Variants in DENND5B observed in about 807,000 individuals in gnomAD.
DENND5B encodes DENN domain containing 5B.
In DENND5B, 34 loss-of-function variants were observed where a neutral mutation model predicts 140.6. The ratio of observed to expected loss-of-function variants is 0.24; its 90% confidence interval spans 0.18 to 0.32. The LOEUF is 0.32. DENND5B is among the 10% of genes least tolerant of loss of function. DENND5B has a pLI of 1.00. For synonymous variants in DENND5B, 551 were observed against 562.1 expected (o/e 0.98, Z 0.28); for missense variants, 1,142 against 1,560.2 (o/e 0.73, Z 4.52).
At chr12:31,566,595 C>T (rs1301656340) in intron 1 of DENND5B, among the ~76,000 whole-genome samples, 1 of 151,846 alleles carries the variant, frequency 6.6e-6, no homozygotes, top group Non-Finnish European at 1.5e-5. Flanking sequence ...ATAGCAGGAC[C>T]AGGTATCTAC....
intron 1 of DENND5B, among the ~76,000 whole-genome samples, chr12:31,579,769 G>A (rs1342989653): frequency 7.0e-6 from 1 of 142,600 alleles, no homozygotes; most frequent in Non-Finnish European, 1.5e-5. Flanking sequence ...GAGGAAGGGA[G>A]GAAGGAAGGA....
At chr12:31,540,481 T>G (rs74932639) in intron 1 of DENND5B, among the ~76,000 whole-genome samples, 22,149 of 151,892 alleles carry the variant, frequency 0.15, 1,868 homozygotes, top group Non-Finnish European at 0.19. Flanking sequence ...TGGTAAGACA[T>G]CGTCTCTACT....
intron 17 of DENND5B, among the ~76,000 whole-genome samples, chr12:31,397,694 G>A (rs867106118): frequency 6.6e-6 from 1 of 152,102 alleles, no homozygotes; most frequent in Non-Finnish European, 1.5e-5. Context: ...GGGAGGCTGA[G>A]GCAGGCAGAT....
chr12:31,507,300 A>G (rs1003411338), intron 1 of DENND5B, among the ~76,000 whole-genome samples: 4 of 152,028 alleles, frequency 2.6e-5, no homozygotes, highest in Non-Finnish European at 4.4e-5. Context: ...CCATGCCCAG[A>G]TGAGTTTTTA....
At chr12:31,535,557 G>A (rs1053181937) in intron 1 of DENND5B, among the ~76,000 whole-genome samples, 1 of 152,170 alleles carries the variant, frequency 6.6e-6, no homozygotes, top group Non-Finnish European at 1.5e-5. Context: ...TACCAAGGTG[G>A]TAACTCTACA....
At chr12:31,453,949 C>T (rs1419160840) in intron 4 of DENND5B, among the ~76,000 whole-genome samples, 1 of 151,974 alleles carries the variant, frequency 6.6e-6, no homozygotes, top group Admixed American at 6.6e-5. Context: ...CAAGACCAGT[C>T]TGGCCAACAT....
chr12:31,430,314 C>A (rs772091620), intron 8 of DENND5B, among the ~76,000 whole-genome samples: 4 of 150,908 alleles, frequency 2.7e-5, no homozygotes, highest in Non-Finnish European at 5.9e-5. Context: ...TAAGCCACTG[C>A]GCCTGGCCCC....
At chr12:31,485,144 G>A (rs934866135) in intron 2 of DENND5B, among the ~76,000 whole-genome samples, 2 of 152,166 alleles carry the variant, frequency 1.3e-5, no homozygotes, top group Non-Finnish European at 2.9e-5. Flanking sequence ...AAACTGCAAA[G>A]CCTGCAGCGG....
chr12:31,577,515 C>A (rs1353493880), intron 1 of DENND5B, among the ~76,000 whole-genome samples: 1 of 151,478 alleles, frequency 6.6e-6, no homozygotes, highest in Non-Finnish European at 1.5e-5. Context: ...TCGAGACCTT[C>A]CTGGCTAACA....
chr12:31,453,201 G>A (rs1009684547), intron 4 of DENND5B, among the ~76,000 whole-genome samples: 5 of 152,170 alleles, frequency 3.3e-5, no homozygotes, highest in Admixed American at 3.3e-4. Context: ...GGCAGAGAGA[G>A]GTGGTAGAGG....
Position 31,479,980 on chromosome 12 carries a change from C to T in DENND5B, c.513G>A (p.Leu171=). 1.2e-6 allele frequency: 2 copies of T among 1,613,946 alleles called. No homozygotes were observed. The highest frequency in any genetic ancestry group is 1.7e-6 in the Non-Finnish European group (2 of 1,179,880). The change falls in exon 3 of 21, where the codon TTG becomes TTA. Residue 171 remains leucine, a synonymous_variant. Transcript: ENST00000389082. ...SLDEGDTTSL[L]KLQRYNSYDI... is the part of the protein sequence containing the mutation. ...CATAGGAGTTGTATCGCTGGAGTTT[C>T]AAAAGGGAAGTTGTATCTCCTTCAT... is the stretch of plus-strand genomic sequence containing the variant.
intron 20 of DENND5B, 111 bp downstream of exon 20, chr12:31,389,213 G>C (rs1250818622): frequency 4.8e-6 from 5 of 1,047,780 alleles, no homozygotes; most frequent in South Asian, 2.3e-5. Flanking sequence ...AAAAGTAAAA[G>C]GAAAGAAACC....
At position 31,386,524 on chromosome 12, in the gene DENND5B, A is replaced by C. The variant is rs1156405946; in HGVS notation, c.*1079T>G. 6.6e-6 allele frequency: 1 copy of C among 152,206 alleles called. No individual in the cohort carries two copies. Among genetic ancestry groups the C allele is most frequent in the Admixed American group, 6.5e-5 (1 of 15,278 alleles). The allele number at this position is 152,206 out of a possible 1,614,324, so 9.4% of individuals were successfully genotyped here. A position where few individuals can be genotyped will look rare whatever the true frequency, so the allele number is the denominator to read the frequency against. On this transcript the variant is annotated 3_prime_UTR_variant, in exon 21 of 21. Coordinates refer to ENST00000389082, the MANE Select transcript of DENND5B (RefSeq NM_144973.4). ...GCCCTGAAACACCCAGAAAGGGTTC[A>C]TTCTCTCTCTCCTTCTGTTATTTGC...
At chr12:31,429,908 T>A (rs958752327) in intron 8 of DENND5B, among the ~76,000 whole-genome samples, 4 of 152,124 alleles carry the variant, frequency 2.6e-5, no homozygotes, top group African/African-American at 9.7e-5. Flanking sequence ...GGTTTCACCA[T>A]GTTGGCCAGG....
chr12:31,495,789 G>A (rs4931506), intron 2 of DENND5B, 21 bp downstream of exon 2: 833,865 of 1,557,268 alleles, frequency 0.54, 228,114 homozygotes, highest in East Asian at 0.85. Context: ...AAGAGTAAAT[G>A]AGGGGAAAAA....
intron 1 of DENND5B, among the ~76,000 whole-genome samples, chr12:31,504,131 C>T (rs902095953): frequency 2.6e-5 from 4 of 152,096 alleles, no homozygotes; most frequent in African/African-American, 7.2e-5. Context: ...TGCGCTATAA[C>T]GTAAATCACC....
At chr12:31,429,048 A>G (rs1224803817) in intron 8 of DENND5B, among the ~76,000 whole-genome samples, 3 of 151,688 alleles carry the variant, frequency 2.0e-5, no homozygotes, top group Admixed American at 2.0e-4. Flanking sequence ...GCTAATTTTT[A>G]TATTTTTAAG....
intron 14 of DENND5B, among the ~76,000 whole-genome samples, chr12:31,403,262 G>A (rs1381731413): frequency 2.6e-5 from 4 of 152,160 alleles, no homozygotes; most frequent in East Asian, 3.9e-4. Context: ...TGACTCACAC[G>A]CAAGAGGAGC....
chr12:31,465,922 T>A (rs1206699117), intron 3 of DENND5B: 2 of 152,492 alleles, frequency 1.3e-5, no homozygotes, highest in African/African-American at 4.8e-5. Flanking sequence ...AACCTAAACA[T>A]GTTTGTCTGT....
Sources: allele counts gnomAD v4.1 joint callset (sites outside exome capture counted in the v4.1 genomes callset), GRCh38; gene constraint gnomAD v4.1.1; transcripts MANE v1.5; gene names NCBI Gene and HGNC (gene_info 2026-07-23, HGNC 2026-07-21).